The following HEMGN variants were observed in gnomAD, a reference collection of about 807,000 sequenced individuals.
HEMGN encodes the protein hemogen.
Under a neutral mutation model 45.7 loss-of-function variants are expected in HEMGN, and 32 were observed. The observed-to-expected ratio is 0.70, with a 90% CI of 0.53 to 0.94. The LOEUF (loss-of-function observed/expected upper bound fraction) is 0.94. HEMGN is among the 40% of genes least tolerant of loss of function. The probability of loss-of-function intolerance (pLI) is 0.00; values close to 1 mark genes in which losing one functional copy is unlikely to be tolerated. For missense variants in HEMGN, 530 were observed against 564.2 expected (o/e 0.94, Z 0.61); for synonymous variants, 183 against 178.6 (o/e 1.02, Z -0.20).
At chr9:97,944,447 C>T (rs1263458087) in intron 1 of HEMGN, among the ~76,000 whole-genome samples, 2 of 152,174 alleles carry the variant, frequency 1.3e-5, no homozygotes, top group South Asian at 4.1e-4. Flanking sequence ...CATGCTCATT[C>T]CATCTTTTCC....
In HEMGN at chr9:97,931,178, G is replaced by A. The variant is rs767265129; in HGVS notation, c.217C>T (p.Arg73Ter). 6.2e-6 allele frequency: 10 copies of A among 1,611,596 alleles called. No homozygotes were observed. Among genetic ancestry groups the A allele is most frequent in the East Asian group, 4.5e-5 (2 of 44,890 alleles). Residue 73 changes from arginine (R) to a stop codon, truncating the protein, a stop_gained, in exon 3 of 4, where the codon CGA (arginine) becomes TGA (stop). Coordinates refer to ENST00000616898, the MANE Select transcript of HEMGN (RefSeq NM_197978.3). LOFTEE classifies it high-confidence loss of function. ...RKQQRTGKGN[R>*]RGRKRQQNTE... ...TTTTGTTGTCTCTTTCTGCCTCTTC[G>A]ATTTCCTTTTCCTGTTCTCTGCTGC...
chr9:97,943,943 G>GGCCTCTCTGATGGTGTGGA (rs1291841828), intron 1 of HEMGN, among the ~76,000 whole-genome samples: 23 of 151,744 alleles, frequency 1.5e-4, no homozygotes, highest in Non-Finnish European at 2.5e-4. Context: ...CTCCACTTTT[G>GGCCTCTCTGATGGTGTGGA]GCCTCTCTGA....
upstream of HEMGN, among the ~76,000 whole-genome samples, chr9:97,942,240 TGGGCC>T (rs915698346): frequency 2.4e-4 from 37 of 151,676 alleles, 1 homozygote; most frequent in Admixed American, 2.4e-3. Context: ...CACCAGAAGC[TGGGCC>T]TTCAGCCTCC....
At chr9:97,939,386 C>A (rs1827119083), upstream of HEMGN, among the ~76,000 whole-genome samples, 1 of 152,142 alleles carries the variant, frequency 6.6e-6, no homozygotes, top group Non-Finnish European at 1.5e-5. Flanking sequence ...TAAAGCAAGT[C>A]ATAGTTTAAA....
At chr9:97,939,686 T>C (rs1827123287), upstream of HEMGN, among the ~76,000 whole-genome samples, 7 of 152,302 alleles carry the variant, frequency 4.6e-5, no homozygotes, top group South Asian at 1.5e-3. Context: ...ATCATGTAAA[T>C]ATATTAGAGA....
upstream of HEMGN, among the ~76,000 whole-genome samples, chr9:97,939,758 C>T (rs1039149772): frequency 6.6e-6 from 1 of 152,124 alleles, no homozygotes; most frequent in African/African-American, 2.4e-5. Flanking sequence ...CAAGTATCTG[C>T]CACTAAAATT....
intron 1 of HEMGN, 103 bp downstream of exon 1, chr9:97,937,955 A>G (rs74740968): frequency 2.9e-6 from 2 of 683,830 alleles, no homozygotes; most frequent in African/African-American, 3.8e-5. Flanking sequence ...GCTTTCATTT[A>G]TTTCCTTTTT....
intron 2 of HEMGN, among the ~76,000 whole-genome samples, chr9:97,932,076 ATGG>A (rs1826963720): frequency 6.6e-6 from 1 of 152,170 alleles, no homozygotes; most frequent in Admixed American, 6.5e-5. Flanking sequence ...TACCCGCTCC[ATGG>A]AGCCTTCTCT....
At chr9:97,939,491 T>G (rs186528893), upstream of HEMGN, among the ~76,000 whole-genome samples, 2 of 152,286 alleles carry the variant, frequency 1.3e-5, no homozygotes, top group East Asian at 3.9e-4. Flanking sequence ...CTTAAGGCAT[T>G]AGAACTGGAA....
chr9:97,931,477 G>T (rs1391173681), intron 2 of HEMGN, among the ~76,000 whole-genome samples: 4 of 152,178 alleles, frequency 2.6e-5, no homozygotes, highest in Non-Finnish European at 5.9e-5. Context: ...CTTGGTGAGG[G>T]TAGTGCATGC....
chr9:97,934,783 A>G (rs1256031623), intron 2 of HEMGN, among the ~76,000 whole-genome samples: 2 of 152,152 alleles, frequency 1.3e-5, no homozygotes, highest in East Asian at 3.8e-4. Flanking sequence ...TAAAACAATA[A>G]TTGGTACCAG....
rs1386491926 is a variant in HEMGN at position 97,936,230 on chromosome 9, TTC to T, written c.112_113del (p.Glu38ThrfsTer3). The T allele has an allele frequency of 6.2e-7, 1 of 1,612,464 alleles. No individual in the cohort carries two copies. Among genetic ancestry groups the T allele is most frequent in the Non-Finnish European group, 8.5e-7 (1 of 1,179,074 alleles). On this transcript the variant is annotated frameshift_variant, in exon 2 of 4. Coordinates refer to ENST00000616898, the MANE Select transcript of HEMGN (RefSeq NM_197978.3). LOFTEE classifies it high-confidence loss of function. ...CTTCAGCTTTTCTTTTTCTAAGTAG[TTC>T]TCTGTTTCTCAAACTCCAGGTTCCA... ...VIGTWSLRNR[E>X]LLRKRKAEVH...
At chr9:97,937,652 C>T (rs1221213702) in intron 1 of HEMGN, among the ~76,000 whole-genome samples, 3 of 152,056 alleles carry the variant, frequency 2.0e-5, no homozygotes, top group Non-Finnish European at 2.9e-5. Flanking sequence ...GAAGGAGTCT[C>T]TGGGTTCATC....
upstream of HEMGN, chr9:97,938,193 T>G: frequency 9.2e-7 from 1 of 1,091,688 alleles, no homozygotes; most frequent in Admixed American, 2.1e-5. Flanking sequence ...GCCTAGATGC[T>G]TTTTTAAAAT....
intron 2 of HEMGN, among the ~76,000 whole-genome samples, chr9:97,932,754 A>G (rs1197288225): frequency 6.9e-6 from 1 of 145,826 alleles, no homozygotes; most frequent in Non-Finnish European, 1.5e-5. Context: ...CAGTGAGCTG[A>G]GATTGTGCCA....
intron 2 of HEMGN, among the ~76,000 whole-genome samples, chr9:97,934,442 G>A (rs1322189138): frequency 9.2e-6 from 1 of 108,718 alleles, no homozygotes; most frequent in Non-Finnish European, 1.9e-5. Flanking sequence ...AGGAGGGGGA[G>A]GGGAGGGGAG....
chr9:97,939,849 T>C (rs1393039225), upstream of HEMGN, among the ~76,000 whole-genome samples: 3 of 152,206 alleles, frequency 2.0e-5, no homozygotes, highest in East Asian at 5.8e-4. Flanking sequence ...AGTAAATCTC[T>C]GTATCTAAAA....
intron 1 of HEMGN, 42 bp from the exon 2 acceptor site, chr9:97,936,306 G>T: frequency 7.3e-7 from 1 of 1,368,366 alleles, no homozygotes; most frequent in Non-Finnish European, 1.0e-6. Context: ...GATGAACTGT[G>T]GTGTCTATCA....
upstream of HEMGN, among the ~76,000 whole-genome samples, chr9:97,942,410 A>T (rs1270393442): frequency 2.6e-5 from 4 of 151,684 alleles, no homozygotes; most frequent in Non-Finnish European, 5.9e-5. Context: ...CAGCCTCCCA[A>T]GTAGCTGGGA....
Sources: gnomAD v4.1 joint callset for allele counts (sites outside exome capture counted in the v4.1 genomes callset) on GRCh38, gnomAD v4.1.1 for gene constraint, MANE v1.5 for transcripts, NCBI Gene and HGNC (gene_info 2026-07-23, HGNC 2026-07-21) for gene names.